The following SLCO3A1 variants were observed in gnomAD, a reference collection of about 807,000 sequenced individuals.
The protein encoded by SLCO3A1 is PGE1 transporter.
Under a neutral mutation model 63.1 loss-of-function variants are expected in SLCO3A1, and 27 were observed. The ratio of observed to expected loss-of-function variants is 0.43; its 90% confidence interval spans 0.32 to 0.59. The LOEUF (loss-of-function observed/expected upper bound fraction) is 0.59. SLCO3A1 is among the 20% of genes least tolerant of loss of function. The pLI is 0.09. For missense variants in SLCO3A1, 773 were observed against 945.8 expected (o/e 0.82, Z 2.40); for synonymous variants, 473 against 409.9 (o/e 1.15, Z -1.86).
chr15:92,140,072 G>T (rs535978066), intron 7 of SLCO3A1, among the ~76,000 whole-genome samples: 1 of 106,676 alleles, frequency 9.4e-6, no homozygotes, highest in African/African-American at 4.9e-5. Context: ...GTGATGTTAG[G>T]GTGTCAATTT....
At chr15:91,995,940 A>G (rs773201221) in intron 2 of SLCO3A1, among the ~76,000 whole-genome samples, 6 of 152,172 alleles carry the variant, frequency 3.9e-5, no homozygotes, top group Non-Finnish European at 7.4e-5. Context: ...GGTTAATATC[A>G]TACTTAATTG....
At chr15:91,965,753 TGG>T (rs1900635832) in intron 2 of SLCO3A1, among the ~76,000 whole-genome samples, 1 of 146,446 alleles carries the variant, frequency 6.8e-6, no homozygotes, top group Admixed American at 6.9e-5. Flanking sequence ...TGTGTGTGTG[TGG>T]AGGGAAATTC....
intron 2 of SLCO3A1, among the ~76,000 whole-genome samples, chr15:91,934,081 T>C (rs749832954): frequency 6.6e-6 from 1 of 152,124 alleles, no homozygotes; most frequent in Non-Finnish European, 1.5e-5. Flanking sequence ...TCAGAAGACA[T>C]GAGACTCCTG....
intron 7 of SLCO3A1, among the ~76,000 whole-genome samples, chr15:92,136,959 G>A (rs1417610817): frequency 1.4e-5 from 2 of 141,860 alleles, no homozygotes; most frequent in South Asian, 4.8e-4. Context: ...CGTGGACCAA[G>A]TAGTCTGTCT....
chr15:92,126,616 A>G (rs983076983), intron 6 of SLCO3A1, among the ~76,000 whole-genome samples: 3 of 152,210 alleles, frequency 2.0e-5, no homozygotes, highest in South Asian at 2.1e-4. Context: ...GATTTCAACA[A>G]TTCCTTAAAC....
intron 2 of SLCO3A1, among the ~76,000 whole-genome samples, chr15:92,062,928 GCT>G (rs1224371661): frequency 6.6e-6 from 1 of 152,224 alleles, no homozygotes; most frequent in Admixed American, 6.5e-5. Context: ...AGAAGGTACA[GCT>G]CTGTGGACCC....
At chr15:91,990,729 A>T (rs768002626) in intron 2 of SLCO3A1, among the ~76,000 whole-genome samples, 1 of 151,940 alleles carries the variant, frequency 6.6e-6, no homozygotes, top group Non-Finnish European at 1.5e-5. Flanking sequence ...TAATTTGGAC[A>T]TACCATGATC....
intron 2 of SLCO3A1, among the ~76,000 whole-genome samples, chr15:92,010,055 G>A (rs2046352607): frequency 6.6e-6 from 1 of 152,190 alleles, no homozygotes; most frequent in African/African-American, 2.4e-5. Context: ...TCAAGCAAAT[G>A]GGAGATGGCG....
intron 1 of SLCO3A1, among the ~76,000 whole-genome samples, chr15:91,881,283 C>G (rs1225142524): frequency 2.1e-5 from 3 of 139,656 alleles, no homozygotes; most frequent in Non-Finnish European, 4.9e-5. Context: ...GAAAAGTGTT[C>G]CCCCACCTTT....
chr15:91,985,435 C>A (rs2046039536), intron 2 of SLCO3A1, among the ~76,000 whole-genome samples: 1 of 152,162 alleles, frequency 6.6e-6, no homozygotes, highest in African/African-American at 2.4e-5. Context: ...GCATTACTGT[C>A]CCTGGGTTTT....
chr15:92,152,254 C>T (rs941002404), intron 9 of SLCO3A1, among the ~76,000 whole-genome samples: 1 of 152,184 alleles, frequency 6.6e-6, no homozygotes, highest in African/African-American at 2.4e-5. Context: ...CCATTAAGGT[C>T]CTCCCTGGGG....
chr15:91,988,481 G>A (rs980010154), intron 2 of SLCO3A1, among the ~76,000 whole-genome samples: 3 of 151,864 alleles, frequency 2.0e-5, no homozygotes, highest in African/African-American at 7.3e-5. Flanking sequence ...TAAAAATTCA[G>A]TGAGCCCAAG....
At chr15:91,944,023 C>T (rs371517876) in intron 2 of SLCO3A1, among the ~76,000 whole-genome samples, 2 of 152,128 alleles carry the variant, frequency 1.3e-5, no homozygotes, top group Admixed American at 6.5e-5. Flanking sequence ...TTTGAGCGTG[C>T]CATTTGCTAC....
At chr15:91,902,177 TA>T (rs1898175249) in intron 1 of SLCO3A1, among the ~76,000 whole-genome samples, 1 of 152,180 alleles carries the variant, frequency 6.6e-6, no homozygotes. Flanking sequence ...TTCCTTTTTT[TA>T]AGAAAAATAT....
chr15:92,032,058 C>T (rs117265129), intron 2 of SLCO3A1, among the ~76,000 whole-genome samples: 2,258 of 152,206 alleles, frequency 0.015, 21 homozygotes, highest in Middle Eastern at 0.031. Context: ...GCATGGTTGT[C>T]GTTGTTGGTA....
At chr15:91,928,189 A>C (rs908463097) in intron 2 of SLCO3A1, among the ~76,000 whole-genome samples, 2 of 152,270 alleles carry the variant, frequency 1.3e-5, no homozygotes, top group African/African-American at 4.8e-5. Flanking sequence ...TATTTAGACA[A>C]GTGCGTTAAG....
chr15:91,943,839 G>A (rs533188604), intron 2 of SLCO3A1, among the ~76,000 whole-genome samples: 1 of 152,292 alleles, frequency 6.6e-6, no homozygotes, highest in Non-Finnish European at 1.5e-5. Context: ...CCAGAGGCCA[G>A]CTCTTGCTGG....
chr15:92,032,372 C>G (rs1336204176), intron 2 of SLCO3A1, among the ~76,000 whole-genome samples: 6 of 151,988 alleles, frequency 3.9e-5, no homozygotes, highest in Non-Finnish European at 8.8e-5. Context: ...AAAATGAGGA[C>G]TTCAACACAG....
intron 5 of SLCO3A1, among the ~76,000 whole-genome samples, chr15:92,122,700 A>G (rs1353872583): frequency 6.6e-6 from 1 of 152,254 alleles, no homozygotes; most frequent in Non-Finnish European, 1.5e-5. Context: ...TACATAGCAT[A>G]CGTAATAATG....
Sources: gnomAD v4.1 joint callset for allele counts (sites outside exome capture counted in the v4.1 genomes callset) on GRCh38, gnomAD v4.1.1 for gene constraint, MANE v1.5 for transcripts, NCBI Gene and HGNC (gene_info 2026-07-23, HGNC 2026-07-21) for gene names.